IDI1: variants seen among roughly 807,000 people sequenced by gnomAD.
The protein encoded by IDI1 is isopentenyl-diphosphate Delta-isomerase 1.
IDI1 carries 23 observed loss-of-function variants against 32.9 expected under a neutral mutation model. The ratio of observed to expected loss-of-function variants is 0.70; its 90% CI spans 0.50 to 0.99. IDI1 has a LOEUF of 0.99. IDI1 is among the 50% of genes least tolerant of loss of function. IDI1 has a pLI of 0.00. For synonymous variants in IDI1, 133 were observed against 128.2 expected (o/e 1.04, Z -0.25); for missense variants, 326 against 351.9 (o/e 0.93, Z 0.59).
chr10:1,041,059 TTAA>T lies in IDI1; in HGVS notation c.*125_*127del. On this transcript the variant is annotated 3_prime_UTR_variant, in exon 5 of 5. Transcript: ENST00000381344. ...TTAAAGTATCAGTGTATATAATACATTAATGATAGTACCAAATGATAGAACTAA... is the reference window on the plus strand; with the variant it reads ...TTAAAGTATCAGTGTATATAATACATTGATAGTACCAAATGATAGAACTAA... The T allele has an allele frequency of 1.6e-6, 1 of 634,602 alleles. No individual in the cohort carries two copies. The highest frequency in any genetic ancestry group is 3.0e-5 in the Admixed American group (1 of 33,794). The allele number at this position is 634,602 out of a possible 1,614,324, so 39.3% of individuals were successfully genotyped here. A position where few individuals can be genotyped will look rare whatever the true frequency, so the allele number is the denominator to read the frequency against.
At chr10:1,043,466 C>CT in intron 2 of IDI1, 73 bp from the exon 3 acceptor site, 1 of 894,536 alleles carries the variant, frequency 1.1e-6, no homozygotes, top group Non-Finnish European at 1.9e-6. Flanking sequence ...CCCTGCAGTT[C>CT]AGAATAACAT....
upstream of IDI1, among the ~76,000 whole-genome samples, chr10:1,052,396 G>C (rs1833037930): frequency 6.6e-6 from 1 of 151,934 alleles, no homozygotes; most frequent in African/African-American, 2.4e-5. Flanking sequence ...TTACATCTTC[G>C]GGCAGCCATA....
chr10:1,043,858 C>A, intron 2 of IDI1, 141 bp downstream of exon 2: 1 of 706,536 alleles, frequency 1.4e-6, no homozygotes, highest in Non-Finnish European at 2.5e-6. Flanking sequence ...ATGCTAATGA[C>A]CACACTATTT....
chr10:1,049,849 C>T (rs1388438315), upstream of IDI1, among the ~76,000 whole-genome samples: 1 of 152,120 alleles, frequency 6.6e-6, no homozygotes, highest in Non-Finnish European at 1.5e-5. Flanking sequence ...AGACGGGTTT[C>T]CGCATGTTGG....
chr10:1,049,343 G>A (rs1832918422), upstream of IDI1, among the ~76,000 whole-genome samples: 1 of 152,174 alleles, frequency 6.6e-6, no homozygotes, highest in Non-Finnish European at 1.5e-5. Context: ...ATCCGAAAGC[G>A]CCCGGGCGCC....
chr10:1,045,423 TCTA>T (rs1407401266), intron 1 of IDI1, among the ~76,000 whole-genome samples: 10 of 152,262 alleles, frequency 6.6e-5, no homozygotes, highest in African/African-American at 2.4e-4. Flanking sequence ...TCCCATGTGC[TCTA>T]CTTTCTATGT....
rs751609890 is a variant in IDI1, at chr10:1,048,955, C to T, written c.49G>A (p.Gly17Arg). 2 of 1,563,592 alleles carry T rather than the reference C, an allele frequency of 1.3e-6. No individual in the cohort carries two copies. The highest frequency in any genetic ancestry group is 2.4e-5 in the East Asian group (1 of 41,606). The change falls in exon 1 of 5, where the codon GGG becomes AGG. Residue 17 changes from glycine to arginine, a missense_variant. Gly to Arg is a moderately radical substitution (Grantham distance 125). Transcript: ENST00000381344. The part of the protein sequence containing the change: ...LARAIGCAAR[G>R]RGQWAVRAAD... Reference sequence around the variant, plus strand: ...GCGCGCACCGCCCACTGGCCCCGCCCCCGGGCCGCGCAGCCAATCGCTCGC... The same window carrying T: ...GCGCGCACCGCCCACTGGCCCCGCCTCCGGGCCGCGCAGCCAATCGCTCGC...
upstream of IDI1, among the ~76,000 whole-genome samples, chr10:1,052,272 T>C (rs1188510148): frequency 6.6e-6 from 1 of 152,226 alleles, no homozygotes; most frequent in African/African-American, 2.4e-5. Context: ...ATTTCAACAG[T>C]GTTCACATCT....
At chr10:1,043,927 G>T in intron 2 of IDI1, 72 bp downstream of exon 2, 1 of 1,289,000 alleles carries the variant, frequency 7.8e-7, no homozygotes, top group Admixed American at 1.9e-5. Flanking sequence ...TCCTTGAACA[G>T]AGTGCTCTTC....
chr10:1,052,934 T>C (rs553716589), upstream of IDI1, among the ~76,000 whole-genome samples: 1 of 152,348 alleles, frequency 6.6e-6, no homozygotes, highest in Non-Finnish European at 1.5e-5. Context: ...TGAAAACCTA[T>C]TGTTTAGCAA....
At chr10:1,042,826 A>G in intron 3 of IDI1, 64 bp from the exon 4 acceptor site, 1 of 1,405,606 alleles carries the variant, frequency 7.1e-7, no homozygotes, top group Non-Finnish European at 1.0e-6. Flanking sequence ...AGATCAAGAA[A>G]AAGTTTTATA....
upstream of IDI1, among the ~76,000 whole-genome samples, chr10:1,052,011 T>C (rs1833026314): frequency 6.6e-6 from 1 of 152,232 alleles, no homozygotes; most frequent in South Asian, 2.1e-4. Context: ...TAGCTGGCAC[T>C]ATGGGCGTGT....
In IDI1 at chr10:1,049,032, T is replaced by G; in HGVS notation, c.-29A>C. 1 of 1,466,402 alleles carries G rather than the reference T, an allele frequency of 6.8e-7. No homozygotes were observed. Among genetic ancestry groups the G allele is most frequent in the Non-Finnish European group, 8.9e-7 (1 of 1,118,288 alleles). The allele number at this position is 1,466,402 out of a possible 1,614,324, so 90.8% of individuals were successfully genotyped here. A position where few individuals can be genotyped will look rare whatever the true frequency, so the allele number is the denominator to read the frequency against. On this transcript the variant is annotated 5_prime_UTR_variant, in exon 1 of 5. Transcript: ENST00000381344. The stretch of plus-strand genomic sequence containing the variant: ...CCGGCCAATTGGCGCCCGTACGCGC[T>G]TGACGACACAATCTCGCCAAGCTTC...
chr10:1,049,007 C>A lies in IDI1; in HGVS notation c.-4G>T. 6.7e-7 allele frequency: 1 copy of A among 1,488,010 alleles called. No homozygotes were observed. Among genetic ancestry groups the A allele is most frequent in the Non-Finnish European group, 8.9e-7 (1 of 1,128,008 alleles). The allele number at this position is 1,488,010 out of a possible 1,614,324, so 92.2% of individuals were successfully genotyped here. A position where few individuals can be genotyped will look rare whatever the true frequency, so the allele number is the denominator to read the frequency against. On this transcript the variant is annotated 5_prime_UTR_variant, in exon 1 of 5. Transcript: ENST00000381344. ...CCAGCGCCAGTCCACGCCACATCGC[C>A]CGGCCAATTGGCGCCCGTACGCGCT...
upstream of IDI1, chr10:1,049,134 G>T: frequency 7.2e-7 from 1 of 1,380,568 alleles, no homozygotes; most frequent in Non-Finnish European, 9.4e-7. Context: ...GTGACCGCGG[G>T]CTCTGGCGCC....
Position 1,048,961 on chromosome 10 carries a change from C to A in IDI1, c.43G>T (p.Ala15Ser), listed in dbSNP as rs757315397. The A allele has an allele frequency of 5.1e-6, 8 of 1,557,546 alleles. No individual in the cohort carries two copies. The highest frequency in any genetic ancestry group is 1.8e-4 in the Middle Eastern group (1 of 5,636). ...ACCGCCCACTGGCCCCGCCCCCGGG[C>A]CGCGCAGCCAATCGCTCGCGCCAGC... ...LALARAIGCA[A>S]RGRGQWAVRA... Residue 15 changes from alanine to serine, a missense_variant, in exon 1 of 5, where the codon GCC becomes TCC. Physicochemically the swap from Ala to Ser is moderately conservative, Grantham distance 99. Around this residue, in one of 2 missense-constraint regions of IDI1, gnomAD observed 121 missense variants for 78.4 expected, o/e 1.54. Transcript: ENST00000381344.
chr10:1,048,734 C>T, intron 1 of IDI1, 130 bp downstream of exon 1: 3 of 1,450,132 alleles, frequency 2.1e-6, no homozygotes, highest in African/African-American at 1.5e-5. Context: ...CCGCCACCCC[C>T]AGCTGTCCAG....
At chr10:1,047,752 G>C (rs925000335) in intron 1 of IDI1, among the ~76,000 whole-genome samples, 9 of 152,264 alleles carry the variant, frequency 5.9e-5, no homozygotes, top group Non-Finnish European at 8.8e-5. Context: ...GTTAAGTGAT[G>C]CGGGCCGAAC....
In IDI1 at chr10:1,048,993, C is replaced by T. The variant is rs376617017; in HGVS notation, c.11G>A (p.Gly4Glu). MWRGLALARAIGCA... is the reference protein window; with the variant it reads MWRELALARAIGCA... The stretch of plus-strand genomic sequence containing the variant: ...GCCAATCGCTCGCGCCAGCGCCAGT[C>T]CACGCCACATCGCCCGGCCAATTGG... The change falls in exon 1 of 5, where the codon GGA (glycine) becomes GAA (glutamate). Residue 4 changes from glycine (G) to glutamate (E), a missense_variant. Physicochemically the swap from Gly to Glu is moderately conservative, Grantham distance 98. Coordinates refer to ENST00000381344, the MANE Select transcript of IDI1 (RefSeq NM_004508.4). 4 of 1,511,522 alleles carry T rather than the reference C, an allele frequency of 2.6e-6. No individual in the cohort carries two copies. In the African/African-American group the frequency reaches 4.3e-5, roughly 16 times the overall value. The allele number at this position is 1,511,522 out of a possible 1,614,324, so 93.6% of individuals were successfully genotyped here.
Sources: allele counts gnomAD v4.1 joint callset (sites outside exome capture counted in the v4.1 genomes callset), GRCh38; gene constraint gnomAD v4.1.1; regional missense constraint gnomAD v4.1.1; transcripts MANE v1.5; gene names NCBI Gene and HGNC (gene_info 2026-07-23, HGNC 2026-07-21).